Variants in ROBO1 observed in about 807,000 individuals in gnomAD.
The protein encoded by ROBO1 is roundabout homolog 1.
A neutral mutation model predicts 195.9 loss-of-function variants in ROBO1; 149 were observed. The ratio of observed to expected loss-of-function variants is 0.76; its 90% confidence interval spans 0.67 to 0.87. ROBO1 has a LOEUF of 0.87. Among genes scored for constraint, ROBO1 ranks in the 40% least tolerant of loss-of-function variants. The pLI is 0.00. For synonymous variants in ROBO1, 816 were observed against 733.2 expected (o/e 1.11, Z -1.82); for missense variants, 1,933 against 2,068.3 (o/e 0.93, Z 1.27).
At chr3:79,446,652 A>G (rs1403936187) in intron 2 of ROBO1, among the ~76,000 whole-genome samples, 1 of 152,190 alleles carries the variant, frequency 6.6e-6, no homozygotes, top group African/African-American at 2.4e-5. Flanking sequence ...ATATTATTAC[A>G]ATATACCTCA....
chr3:78,833,648 T>A (rs2032435547), intron 4 of ROBO1, among the ~76,000 whole-genome samples: 1 of 152,092 alleles, frequency 6.6e-6, no homozygotes, highest in Non-Finnish European at 1.5e-5. Flanking sequence ...GTGGAATCAA[T>A]GAAGTAACAC....
At chr3:79,227,992 A>G (rs1174222475) in intron 2 of ROBO1, among the ~76,000 whole-genome samples, 1 of 152,140 alleles carries the variant, frequency 6.6e-6, no homozygotes, top group East Asian at 1.9e-4. Context: ...ATAAATAAAT[A>G]TAGCCTCAAC....
At chr3:79,748,255 T>C (rs926582171) in intron 1 of ROBO1, among the ~76,000 whole-genome samples, 1 of 152,196 alleles carries the variant, frequency 6.6e-6, no homozygotes, top group Admixed American at 6.5e-5. Context: ...TGAAACATTA[T>C]TTGGGATATT....
chr3:79,442,216 AT>A (rs1328388987), intron 2 of ROBO1, among the ~76,000 whole-genome samples: 2 of 151,976 alleles, frequency 1.3e-5, no homozygotes, highest in South Asian at 2.1e-4. Context: ...TCTCTCATAG[AT>A]TTTTTTCCCC....
chr3:79,505,642 G>A (rs1476451582), intron 2 of ROBO1, among the ~76,000 whole-genome samples: 4 of 152,134 alleles, frequency 2.6e-5, no homozygotes, highest in Admixed American at 2.6e-4. Context: ...AACGATCATT[G>A]GCTTGACAGT....
chr3:79,315,214 G>A (rs1576963659), intron 2 of ROBO1, among the ~76,000 whole-genome samples: 1 of 152,140 alleles, frequency 6.6e-6, no homozygotes, highest in African/African-American at 2.4e-5. Flanking sequence ...GGCTGAGGTG[G>A]GAGGATCCCT....
At chr3:79,310,076 C>T (rs2033408032) in intron 2 of ROBO1, among the ~76,000 whole-genome samples, 1 of 152,142 alleles carries the variant, frequency 6.6e-6, no homozygotes, top group South Asian at 2.1e-4. Flanking sequence ...CAGGCCTTGT[C>T]TTAGGCCCTG....
intron 4 of ROBO1, among the ~76,000 whole-genome samples, chr3:78,829,020 G>A (rs78692989): frequency 2.9e-4 from 44 of 152,268 alleles, no homozygotes; most frequent in African/African-American, 9.9e-4. Context: ...ACAGAGCACC[G>A]TTAGGCAAAG....
At chr3:78,945,682 A>T (rs2040395083) in intron 3 of ROBO1, among the ~76,000 whole-genome samples, 1 of 152,276 alleles carries the variant, frequency 6.6e-6, no homozygotes, top group Middle Eastern at 3.4e-3. Flanking sequence ...TGACTTTGAC[A>T]AATTGAGAGA....
intron 18 of ROBO1, among the ~76,000 whole-genome samples, chr3:78,653,589 CCTCT>C (rs1397103978): frequency 6.6e-6 from 1 of 152,222 alleles, no homozygotes; most frequent in African/African-American, 2.4e-5. Context: ...GTCGGCACTC[CCTCT>C]GTCTCATGGG....
intron 3 of ROBO1, among the ~76,000 whole-genome samples, chr3:79,059,305 A>G (rs1386491556): frequency 6.6e-6 from 1 of 152,024 alleles, no homozygotes; most frequent in African/African-American, 2.4e-5. Flanking sequence ...GAGGCATTAG[A>G]TCAGGGGCAG....
intron 4 of ROBO1, among the ~76,000 whole-genome samples, chr3:78,789,376 A>G (rs544375913): frequency 3.9e-5 from 6 of 152,314 alleles, no homozygotes; most frequent in African/African-American, 1.4e-4. Flanking sequence ...AGTATGAACA[A>G]TTTTTTAACG....
intron 8 of ROBO1, chr3:78,693,025 G>A (rs927761282): frequency 2.7e-5 from 6 of 225,162 alleles, no homozygotes; most frequent in East Asian, 1.7e-4. Flanking sequence ...TTAATCTTAC[G>A]ATATATATAT....
At chr3:78,842,668 C>T (rs2106763359) in intron 4 of ROBO1, among the ~76,000 whole-genome samples, 1 of 149,988 alleles carries the variant, frequency 6.7e-6, no homozygotes, top group South Asian at 2.1e-4. Flanking sequence ...AGGGAATGTA[C>T]ATTAAAAGTA....
chr3:79,294,086 A>C (rs1238162059), intron 2 of ROBO1, among the ~76,000 whole-genome samples: 3 of 148,956 alleles, frequency 2.0e-5, no homozygotes, highest in African/African-American at 7.4e-5. Context: ...AAAAAAAAGA[A>C]AGAAAAAACT....
chr3:79,077,306 G>GA (rs1176198795), intron 3 of ROBO1, among the ~76,000 whole-genome samples: 2 of 151,742 alleles, frequency 1.3e-5, no homozygotes, highest in Non-Finnish European at 2.9e-5. Context: ...TATGAGGATG[G>GA]AAAAAAATTG....
intron 3 of ROBO1, among the ~76,000 whole-genome samples, chr3:79,061,698 A>G (rs1200426695): frequency 6.6e-6 from 1 of 152,132 alleles, no homozygotes. Flanking sequence ...ATAACACTAC[A>G]CATCTACAAC....
At chr3:79,542,809 T>A (rs1942124141) in intron 2 of ROBO1, among the ~76,000 whole-genome samples, 1 of 152,070 alleles carries the variant, frequency 6.6e-6, no homozygotes, top group African/African-American at 2.4e-5. Context: ...TACTTCTTTA[T>A]TTTTTAGTTG....
In ROBO1 at chr3:79,258,365, C is replaced by T. The variant is rs79299207; in HGVS notation, c.89-132826G>A. On this transcript the variant is annotated intron_variant, in intron 2 of 30. Coordinates refer to ENST00000464233, the MANE Select transcript of ROBO1 (RefSeq NM_002941.4). The stretch of plus-strand genomic sequence containing the variant: ...ACACATTTGCATTCTAAAATTAGTA[C>T]AAATGATGAAAATATGTCTGTGATA... Among the ~76,000 whole-genome samples, 264 of 152,238 alleles carry T rather than the reference C, an allele frequency of 1.7e-3. 1 individual carries two copies. The highest frequency in any genetic ancestry group is 5.8e-3 in the African/African-American group (242 of 41,554).
Sources: gnomAD v4.1 joint callset for allele counts (sites outside exome capture counted in the v4.1 genomes callset) on GRCh38, gnomAD v4.1.1 for gene constraint, MANE v1.5 for transcripts, NCBI Gene and HGNC (gene_info 2026-07-23, HGNC 2026-07-21) for gene names.